Variants in CACNA2D3 observed in about 807,000 individuals in gnomAD.
CACNA2D3 encodes the protein voltage-dependent calcium channel subunit alpha-2/delta-3.
In CACNA2D3, 60 loss-of-function variants were observed where a neutral mutation model predicts 160.6. The observed-to-expected ratio is 0.37, with a 90% confidence interval of 0.30 to 0.46. CACNA2D3 has a LOEUF of 0.46. CACNA2D3 is among the 20% of genes least tolerant of loss of function. The pLI is 1.00. For synonymous variants in CACNA2D3, 558 were observed against 492.9 expected (o/e 1.13, Z -1.75); for missense variants, 1,205 against 1,365.0 (o/e 0.88, Z 1.85).
rs58032739 is a variant in CACNA2D3, at chr3:54,231,864, G to T, written c.205-88578G>T. 7.8e-3 allele frequency among the ~76,000 whole-genome samples: 1,183 copies of T among 152,232 alleles called. 13 individuals are homozygous for T. The highest frequency in any genetic ancestry group is 0.027 in the African/African-American group (1,115 of 41,540). Reference sequence around the variant, plus strand: ...GGTGCATGGTGAATGGAAGGGGGGTGGTCCTGGGGCAGGGTGGGAGGGGAG... The same window carrying T: ...GGTGCATGGTGAATGGAAGGGGGGTTGTCCTGGGGCAGGGTGGGAGGGGAG... On this transcript the variant is annotated intron_variant, in intron 2 of 37. Coordinates refer to ENST00000474759, the MANE Select transcript of CACNA2D3 (RefSeq NM_018398.3).
At chr3:54,924,913 T>A (rs747842510) in intron 27 of CACNA2D3, 2 of 1,613,308 alleles carry the variant, frequency 1.2e-6, no homozygotes, top group Middle Eastern at 1.7e-4. Flanking sequence ...TGGGTTAGAT[T>A]TAAAACCTGC....
At chr3:54,615,987 T>A (rs1294387000) in intron 9 of CACNA2D3, among the ~76,000 whole-genome samples, 1 of 152,136 alleles carries the variant, frequency 6.6e-6, no homozygotes, top group Non-Finnish European at 1.5e-5. Flanking sequence ...GCCTGATGAT[T>A]TGAGGTGGAA....
chr3:54,866,062 C>T (rs895487040), intron 17 of CACNA2D3, among the ~76,000 whole-genome samples: 1 of 152,184 alleles, frequency 6.6e-6, no homozygotes, highest in Non-Finnish European at 1.5e-5. Flanking sequence ...GCCTGATTCA[C>T]TGGTAGTGAA....
chr3:54,863,885 A>T (rs956536925), intron 17 of CACNA2D3, among the ~76,000 whole-genome samples: 1 of 152,214 alleles, frequency 6.6e-6, no homozygotes, highest in African/African-American at 2.4e-5. Context: ...TTGTCTTGAC[A>T]TGCCCCGTTG....
chr3:55,018,828 G>C (rs1162029794), intron 35 of CACNA2D3, among the ~76,000 whole-genome samples: 1 of 151,914 alleles, frequency 6.6e-6, no homozygotes, highest in Non-Finnish European at 1.5e-5. Flanking sequence ...TCCCGTCTGG[G>C]TGATTGGATC....
At chr3:54,277,675 G>T (rs1175936135) in intron 2 of CACNA2D3, among the ~76,000 whole-genome samples, 1 of 152,162 alleles carries the variant, frequency 6.6e-6, no homozygotes, top group Non-Finnish European at 1.5e-5. Context: ...GAAAGTCAGT[G>T]GTAGCTTGAT....
chr3:54,192,693 T>TG (rs1237472067), intron 2 of CACNA2D3, among the ~76,000 whole-genome samples: 1 of 151,962 alleles, frequency 6.6e-6, no homozygotes, highest in Non-Finnish European at 1.5e-5. Flanking sequence ...TGTGTGTGTG[T>TG]GTTTGTGTAT....
At chr3:54,846,839 C>T (rs1320553122) in intron 17 of CACNA2D3, among the ~76,000 whole-genome samples, 1 of 152,184 alleles carries the variant, frequency 6.6e-6, no homozygotes, top group East Asian at 1.9e-4. Flanking sequence ...CCACTTACTG[C>T]AAGTCTAATT....
At chr3:54,880,955 C>T in intron 21 of CACNA2D3, 92 bp downstream of exon 21, 4 of 1,057,122 alleles carry the variant, frequency 3.8e-6, no homozygotes. Flanking sequence ...GTTCATCTGT[C>T]CGCACCTGTG....
At chr3:54,894,379 C>A (rs573704349) in intron 25 of CACNA2D3, among the ~76,000 whole-genome samples, 5 of 152,118 alleles carry the variant, frequency 3.3e-5, no homozygotes, top group African/African-American at 4.8e-5. Flanking sequence ...GCCCTAGGTG[C>A]CAGCACTGTC....
chr3:54,603,129 T>C (rs1396473097), intron 9 of CACNA2D3, among the ~76,000 whole-genome samples: 7 of 152,178 alleles, frequency 4.6e-5, no homozygotes, highest in African/African-American at 1.7e-4. Flanking sequence ...CCTTAATTGG[T>C]GAGTCAGTTG....
intron 5 of CACNA2D3, among the ~76,000 whole-genome samples, chr3:54,559,038 C>G (rs1035250505): frequency 2.6e-5 from 4 of 152,154 alleles, no homozygotes; most frequent in African/African-American, 9.7e-5. Flanking sequence ...TCTCCTCCTC[C>G]TCCTCTTCCT....
chr3:54,446,973 A>G (rs956301985), intron 4 of CACNA2D3, among the ~76,000 whole-genome samples: 2 of 152,182 alleles, frequency 1.3e-5, no homozygotes, highest in Admixed American at 6.5e-5. Context: ...GGAGGCGGGT[A>G]TCCTAGAAGG....
At chr3:55,001,231 T>C (rs1312911037) in intron 31 of CACNA2D3, among the ~76,000 whole-genome samples, 1 of 152,190 alleles carries the variant, frequency 6.6e-6, no homozygotes, top group Admixed American at 6.5e-5. Flanking sequence ...TGTATTGCAG[T>C]AGCAAGCATG....
At chr3:54,563,674 C>A (rs1220845698) in intron 6 of CACNA2D3, among the ~76,000 whole-genome samples, 1 of 152,180 alleles carries the variant, frequency 6.6e-6, no homozygotes, top group Non-Finnish European at 1.5e-5. Flanking sequence ...GTGCCAACAT[C>A]ACAGCTGTAG....
intron 27 of CACNA2D3, chr3:54,967,009 G>T (rs1463326328): frequency 2.6e-5 from 4 of 152,250 alleles, no homozygotes; most frequent in African/African-American, 9.6e-5. Flanking sequence ...TTCTTGGGAA[G>T]GCTGTGGTCC....
At chr3:54,980,018 A>G (rs909679306) in intron 29 of CACNA2D3, among the ~76,000 whole-genome samples, 1 of 152,218 alleles carries the variant, frequency 6.6e-6, no homozygotes, top group African/African-American at 2.4e-5. Context: ...TAATTTTGGA[A>G]CACATACCAA....
intron 4 of CACNA2D3, among the ~76,000 whole-genome samples, chr3:54,400,470 C>T (rs1186978126): frequency 6.6e-6 from 1 of 152,092 alleles, no homozygotes; most frequent in Non-Finnish European, 1.5e-5. Context: ...TCAGACCTGA[C>T]ATCAAGAAAT....
chr3:54,144,977 A>C (rs963633276), intron 2 of CACNA2D3, among the ~76,000 whole-genome samples: 6 of 152,142 alleles, frequency 3.9e-5, no homozygotes, highest in African/African-American at 1.2e-4. Context: ...TGTTTTAACT[A>C]CTCGCTGTGG....
Sources: allele counts gnomAD v4.1 joint callset (sites outside exome capture counted in the v4.1 genomes callset), GRCh38; gene constraint gnomAD v4.1.1; transcripts MANE v1.5; gene names NCBI Gene and HGNC (gene_info 2026-07-23, HGNC 2026-07-21).